Variants in TPRG1 observed in about 807,000 individuals in gnomAD.
The protein encoded by TPRG1 is tumor protein p63-regulated gene 1 protein.
A neutral mutation model predicts 29.3 loss-of-function variants in TPRG1; 29 were observed. That is an observed-to-expected ratio of 0.99 (90% CI 0.74 to 1.35). The LOEUF (loss-of-function observed/expected upper bound fraction) is 1.35. Ranked by LOEUF, TPRG1 falls within the 40% of genes most tolerant of loss-of-function variation. The pLI, the probability that TPRG1 is intolerant of heterozygous loss-of-function variation, is 0.00. For synonymous variants in TPRG1, 130 were observed against 116.8 expected, an observed-to-expected ratio of 1.11 and a Z score of -0.73; for missense variants, 327 against 335.0, an observed-to-expected ratio of 0.98 and a Z score of 0.19.
intron 3 of TPRG1, among the ~76,000 whole-genome samples, chr3:189,008,486 A>T (rs549649025): frequency 1.3e-5 from 2 of 152,220 alleles, no homozygotes; most frequent in African/African-American, 4.8e-5. Context: ...TGTAGTGGAA[A>T]TAACCTTGGC....
chr3:189,289,884 T>C (rs1213750423), intron 4 of TPRG1, among the ~76,000 whole-genome samples: 2 of 152,218 alleles, frequency 1.3e-5, no homozygotes, highest in African/African-American at 4.8e-5. Context: ...AGAGTTGTTA[T>C]AGCTACTACA....
At chr3:189,180,100 T>A (rs1730015276) in intron 1 of TPRG1, among the ~76,000 whole-genome samples, 1 of 152,096 alleles carries the variant, frequency 6.6e-6, no homozygotes, top group East Asian at 1.9e-4. Flanking sequence ...AACCATCAGA[T>A]CCCGTGAGAC....
chr3:189,022,170 G>C lies in TPRG1; in HGVS notation c.-659-1580G>C, dbSNP rs144532835. Among the ~76,000 whole-genome samples, 88 of 152,142 alleles carry C rather than the reference G, an allele frequency of 5.8e-4. No homozygotes were observed. In the East Asian group the frequency reaches 0.015, roughly 25 times the overall value. On this transcript the variant is annotated intron_variant, in intron 3 of 10. Coordinates refer to the TPRG1 transcript ENST00000433971. Reference sequence around the variant, plus strand: ...CAAAGTTTTCATCTTCTTTGCCTTTGGTTTGAATGTCCTCCCGTAGCTCAG... The same window carrying C: ...CAAAGTTTTCATCTTCTTTGCCTTTCGTTTGAATGTCCTCCCGTAGCTCAG...
intron 4 of TPRG1, among the ~76,000 whole-genome samples, chr3:189,297,743 A>G (rs9873322): frequency 0.27 from 41,390 of 152,006 alleles, 6,203 homozygotes; most frequent in Middle Eastern, 0.35. Context: ...AGTTTTTCCA[A>G]TGGGGCTGTC....
At chr3:188,997,924 A>G (rs1316402846) in intron 1 of TPRG1, among the ~76,000 whole-genome samples, 2 of 152,122 alleles carry the variant, frequency 1.3e-5, no homozygotes, top group African/African-American at 2.4e-5. Flanking sequence ...TTTACTTTAC[A>G]TAGATCCTTT....
intron 5 of TPRG1, among the ~76,000 whole-genome samples, chr3:189,162,117 C>T (rs961062022): frequency 2.0e-5 from 3 of 152,064 alleles, no homozygotes; most frequent in South Asian, 2.1e-4. Context: ...CTCAGCCTCT[C>T]GAGTAGCTGG....
At chr3:189,218,685 G>A (rs1230007627) in intron 3 of TPRG1, among the ~76,000 whole-genome samples, 2 of 152,166 alleles carry the variant, frequency 1.3e-5, no homozygotes, top group Non-Finnish European at 2.9e-5. Flanking sequence ...TTTTATAAAC[G>A]AGAAATGTGG....
chr3:189,206,050 T>TCCTTC (rs750321003), intron 1 of TPRG1, among the ~76,000 whole-genome samples: 22 of 147,860 alleles, frequency 1.5e-4, no homozygotes, highest in Admixed American at 2.8e-4. Flanking sequence ...CTTCCTTTCT[T>TCCTTC]CTGTCTTTCT....
chr3:189,288,297 CTT>C (rs945396763), intron 4 of TPRG1, among the ~76,000 whole-genome samples: 4 of 152,172 alleles, frequency 2.6e-5, no homozygotes, highest in Non-Finnish European at 4.4e-5. Flanking sequence ...TCTATATAAA[CTT>C]TAGGATTTTT....
intron 4 of TPRG1, among the ~76,000 whole-genome samples, chr3:189,274,805 T>C (rs944996235): frequency 2.0e-5 from 3 of 152,168 alleles, no homozygotes; most frequent in African/African-American, 7.2e-5. Flanking sequence ...TTTGATAACA[T>C]TTAAAAGCAT....
chr3:189,004,871 A>G (rs957301167), intron 3 of TPRG1: 4 of 151,972 alleles, frequency 2.6e-5, no homozygotes, highest in Non-Finnish European at 4.4e-5. Context: ...TTTATTTTTA[A>G]TTTTTGTGGG....
upstream of TPRG1, among the ~76,000 whole-genome samples, chr3:189,170,487 T>C (rs1728689314): frequency 6.6e-6 from 1 of 152,206 alleles, no homozygotes; most frequent in Non-Finnish European, 1.5e-5. Context: ...TGCTCCCTCC[T>C]CTGGATTACC....
intron 5 of TPRG1, among the ~76,000 whole-genome samples, chr3:189,154,265 T>C (rs540333081): frequency 6.6e-6 from 1 of 152,326 alleles, no homozygotes; most frequent in South Asian, 2.1e-4. Context: ...ATTACCCTTA[T>C]TTTACGATTA....
intron 4 of TPRG1, among the ~76,000 whole-genome samples, chr3:189,268,570 G>A (rs887714255): frequency 5.9e-5 from 9 of 152,168 alleles, no homozygotes; most frequent in East Asian, 1.9e-4. Context: ...TGAGAAGGGC[G>A]CCAAAATTTA....
chr3:189,148,120 G>T (rs1725487342), intron 4 of TPRG1, among the ~76,000 whole-genome samples: 2 of 152,182 alleles, frequency 1.3e-5, no homozygotes, highest in Admixed American at 6.5e-5. Context: ...TGTCTGCAAG[G>T]ACAAAGATGA....
At chr3:189,104,666 A>G (rs1719605407) in intron 1 of TPRG1, among the ~76,000 whole-genome samples, 1 of 151,944 alleles carries the variant, frequency 6.6e-6, no homozygotes, top group African/African-American at 2.4e-5. Flanking sequence ...TACTAGATCA[A>G]TGTCTACTGT....
chr3:189,065,443 TCTAA>T (rs1716375766), intron 4 of TPRG1, among the ~76,000 whole-genome samples: 1 of 152,074 alleles, frequency 6.6e-6, no homozygotes, highest in Non-Finnish European at 1.5e-5. Flanking sequence ...ACAATCCCTA[TCTAA>T]CAATATTTAA....
chr3:189,195,373 G>A (rs777881569), intron 1 of TPRG1, among the ~76,000 whole-genome samples: 1 of 152,144 alleles, frequency 6.6e-6, no homozygotes, highest in Non-Finnish European at 1.5e-5. Flanking sequence ...GGGAGTGGTA[G>A]GTGAAGTGGC....
At chr3:189,299,065 TTTTC>T (rs904632530) in intron 4 of TPRG1, among the ~76,000 whole-genome samples, 20 of 45,812 alleles carry the variant, frequency 4.4e-4, no homozygotes, top group Non-Finnish European at 7.0e-4. Flanking sequence ...GGTTTTTTTT[TTTTC>T]TGAGAATTTT....
Sources: allele counts gnomAD v4.1 joint callset (sites outside exome capture counted in the v4.1 genomes callset), GRCh38; gene constraint gnomAD v4.1.1; transcripts MANE v1.5; gene names NCBI Gene and HGNC (gene_info 2026-07-23, HGNC 2026-07-21).